EXOC6: variants seen among roughly 807,000 people sequenced by gnomAD.
EXOC6 encodes the protein exocyst complex component 6.
Under a neutral mutation model 112.5 loss-of-function variants are expected in EXOC6, and 60 were observed. The observed-to-expected ratio is 0.53, with a 90% CI of 0.43 to 0.66. The LOEUF is 0.66. Among genes scored for constraint, EXOC6 ranks in the 30% least tolerant of loss-of-function variants. EXOC6 has a pLI of 0.00. For missense variants in EXOC6, 855 were observed against 957.1 expected (o/e 0.89, Z 1.41); for synonymous variants, 295 against 308.0 (o/e 0.96, Z 0.44).
intron 20 of EXOC6, among the ~76,000 whole-genome samples, chr10:93,023,005 T>C (rs899433913): frequency 3.3e-5 from 5 of 151,848 alleles, no homozygotes; most frequent in Non-Finnish European, 2.9e-5. Context: ...TTTTTTTTTT[T>C]TCAGTCTGTG....
At chr10:92,911,388 C>T (rs1850754725) in intron 6 of EXOC6, among the ~76,000 whole-genome samples, 1 of 152,178 alleles carries the variant, frequency 6.6e-6, no homozygotes, top group East Asian at 1.9e-4. Flanking sequence ...GAAATCTGTG[C>T]ATGCCATGGG....
intron 18 of EXOC6, among the ~76,000 whole-genome samples, chr10:92,975,554 C>T (rs542862038): frequency 0.021 from 3,041 of 146,632 alleles, 122 homozygotes; most frequent in African/African-American, 0.076. Context: ...CCGCCCCGTC[C>T]GGGACGGAGG....
At chr10:92,860,345 A>C (rs945411447) in intron 1 of EXOC6, among the ~76,000 whole-genome samples, 1 of 136,876 alleles carries the variant, frequency 7.3e-6, no homozygotes, top group Admixed American at 8.8e-5. Flanking sequence ...GATCTCGCTC[A>C]CTGCTGACTC....
At chr10:92,989,618 A>T (rs1843149725) in intron 18 of EXOC6, among the ~76,000 whole-genome samples, 1 of 152,228 alleles carries the variant, frequency 6.6e-6, no homozygotes, top group Non-Finnish European at 1.5e-5. Flanking sequence ...TGTTGAAGAC[A>T]CAGACCCTTA....
At chr10:92,854,282 C>G (rs1847492466) in intron 1 of EXOC6, among the ~76,000 whole-genome samples, 1 of 151,902 alleles carries the variant, frequency 6.6e-6, no homozygotes, top group Non-Finnish European at 1.5e-5. Context: ...TACTAAAATA[C>G]AAAAATTAGC....
Position 92,935,114 on chromosome 10 carries a change from G to A in EXOC6, c.1140+684G>A, listed in dbSNP as rs77595787. On this transcript the variant is annotated intron_variant, in intron 11 of 21. Coordinates refer to ENST00000260762, the MANE Select transcript of EXOC6 (RefSeq NM_019053.6). ...GATTTTTAAAAATTGAAGAAAGTTT[G>A]TTAGCTTATGTGATATTAAGATTAT... Among the ~76,000 whole-genome samples, 30 of 151,924 alleles carry A rather than the reference G, an allele frequency of 2.0e-4. No individual in the cohort carries two copies. The East Asian group carries it at 5.6e-3, about 28-fold the overall frequency.
intron 1 of EXOC6, among the ~76,000 whole-genome samples, chr10:92,888,300 A>G (rs1849330647): frequency 2.0e-5 from 3 of 152,204 alleles, no homozygotes; most frequent in African/African-American, 4.8e-5. Flanking sequence ...CTGTGATGCT[A>G]TAGTAGATGC....
chr10:92,852,167 G>T (rs1398989325), intron 1 of EXOC6, among the ~76,000 whole-genome samples: 1 of 152,198 alleles, frequency 6.6e-6, no homozygotes, highest in African/African-American at 2.4e-5. Flanking sequence ...TATTATCAAA[G>T]TTCACTTAAG....
chr10:92,896,733 T>C (rs1227450660), intron 4 of EXOC6, among the ~76,000 whole-genome samples: 4 of 151,942 alleles, frequency 2.6e-5, no homozygotes, highest in Non-Finnish European at 5.9e-5. Context: ...TTTCAGTATT[T>C]TTGGTAGAGG....
intron 19 of EXOC6, among the ~76,000 whole-genome samples, chr10:93,011,111 A>G (rs1272447848): frequency 1.3e-5 from 2 of 151,956 alleles, no homozygotes; most frequent in Non-Finnish European, 1.5e-5. Flanking sequence ...CATCATAGAA[A>G]GTCTTTATTT....
At chr10:92,989,698 C>A (rs66527842) in intron 18 of EXOC6, among the ~76,000 whole-genome samples, 20,339 of 152,210 alleles carry the variant, frequency 0.13, 1,576 homozygotes, top group Middle Eastern at 0.25. Flanking sequence ...TGCTAACAGA[C>A]TTCCTGCTGA....
chr10:92,975,742 C>CG (rs1842544281), intron 18 of EXOC6, among the ~76,000 whole-genome samples: 1 of 86,088 alleles, frequency 1.2e-5, no homozygotes, highest in African/African-American at 4.4e-5. Context: ...GGAGGGAGGT[C>CG]GGGGGGCCAG....
At chr10:92,899,568 G>T in intron 4 of EXOC6, 31 bp from the exon 5 acceptor site, 1 of 1,463,660 alleles carries the variant, frequency 6.8e-7, no homozygotes, top group South Asian at 1.3e-5. Flanking sequence ...TTTTCATTTT[G>T]AAAGCTAAAA....
At chr10:92,855,125 C>T (rs1324024411) in intron 1 of EXOC6, among the ~76,000 whole-genome samples, 2 of 152,102 alleles carry the variant, frequency 1.3e-5, no homozygotes, top group African/African-American at 2.4e-5. Flanking sequence ...ACTGTGTTGC[C>T]CAGACTGATC....
At chr10:92,981,978 G>T (rs1842841978) in intron 18 of EXOC6, among the ~76,000 whole-genome samples, 1 of 152,080 alleles carries the variant, frequency 6.6e-6, no homozygotes, top group African/African-American at 2.4e-5. Flanking sequence ...TAGCCGGGCA[G>T]GGTGGCACAT....
intron 1 of EXOC6, among the ~76,000 whole-genome samples, chr10:92,855,211 C>T (rs1245486595): frequency 6.6e-6 from 1 of 151,980 alleles, no homozygotes; most frequent in Non-Finnish European, 1.5e-5. Flanking sequence ...AGCCACTGTG[C>T]CTGGCATGAA....
At chr10:92,929,505 G>A (rs1017941063) in intron 9 of EXOC6, among the ~76,000 whole-genome samples, 3 of 152,082 alleles carry the variant, frequency 2.0e-5, no homozygotes, top group Non-Finnish European at 4.4e-5. Flanking sequence ...AGAATCGTAA[G>A]AAATATTAAC....
chr10:92,884,338 T>G (rs1003765736), intron 1 of EXOC6, among the ~76,000 whole-genome samples: 16 of 152,228 alleles, frequency 1.1e-4, no homozygotes, highest in African/African-American at 3.9e-4. Context: ...GTCCATTTTC[T>G]TGCTAGTTTT....
chr10:92,985,747 T>G (rs1229114896), intron 18 of EXOC6, among the ~76,000 whole-genome samples: 1 of 152,170 alleles, frequency 6.6e-6, no homozygotes, highest in East Asian at 1.9e-4. Context: ...TATTTTTTGG[T>G]TCACACTTTT....
Sources: allele counts gnomAD v4.1 joint callset (sites outside exome capture counted in the v4.1 genomes callset), GRCh38; gene constraint gnomAD v4.1.1; transcripts MANE v1.5; gene names NCBI Gene and HGNC (gene_info 2026-07-23, HGNC 2026-07-21).